MEIS2: variants seen among roughly 807,000 people sequenced by gnomAD.
The protein encoded by MEIS2 is homeobox protein Meis2.
A neutral mutation model predicts 58.6 loss-of-function variants in MEIS2; 9 were observed. That is an observed-to-expected ratio of 0.15 (90% CI 0.09 to 0.27). The LOEUF (loss-of-function observed/expected upper bound fraction) is 0.27. MEIS2 is among the 10% of genes least tolerant of loss of function. The probability of loss-of-function intolerance (pLI) is 1.00; values close to 1 mark genes in which losing one functional copy is unlikely to be tolerated. For synonymous variants in MEIS2, 221 were observed against 228.4 expected (o/e 0.97, Z 0.29); for missense variants, 427 against 635.0 (o/e 0.67, Z 3.52).
intron 9 of MEIS2, chr15:36,897,494 A>T (rs1051349991): frequency 3.9e-5 from 6 of 152,254 alleles, no homozygotes; most frequent in Non-Finnish European, 8.8e-5. Flanking sequence ...TTTGTTGGAA[A>T]TCCAAAAATA....
intron 8 of MEIS2, among the ~76,000 whole-genome samples, chr15:37,019,275 T>A (rs1412768714): frequency 6.6e-6 from 1 of 152,218 alleles, no homozygotes; most frequent in Non-Finnish European, 1.5e-5. Flanking sequence ...AAGTATTGCA[T>A]GAGCTACTAA....
At chr15:36,949,997 G>A (rs2058700201) in intron 9 of MEIS2, among the ~76,000 whole-genome samples, 1 of 151,750 alleles carries the variant, frequency 6.6e-6, no homozygotes, top group Non-Finnish European at 1.5e-5. Flanking sequence ...ACTTTCAATA[G>A]GAATGACCTG....
chr15:36,988,401 C>T (rs2060162030), intron 8 of MEIS2, among the ~76,000 whole-genome samples: 1 of 152,120 alleles, frequency 6.6e-6, no homozygotes, highest in Non-Finnish European at 1.5e-5. Context: ...ATTCCAAATA[C>T]GAGTTCAGAG....
At chr15:36,974,860 C>T (rs150848329) in intron 8 of MEIS2, among the ~76,000 whole-genome samples, 2 of 152,186 alleles carry the variant, frequency 1.3e-5, no homozygotes, top group African/African-American at 4.8e-5. Context: ...TTCTTGAAAC[C>T]CTTTGCATTT....
chr15:36,968,354 T>C (rs2059422861), intron 8 of MEIS2, among the ~76,000 whole-genome samples: 1 of 152,000 alleles, frequency 6.6e-6, no homozygotes. Context: ...AGCCTGTGGG[T>C]TGAAAAATAG....
chr15:37,060,093 C>T (rs1889001884), intron 7 of MEIS2, among the ~76,000 whole-genome samples: 1 of 152,036 alleles, frequency 6.6e-6, no homozygotes, highest in East Asian at 1.9e-4. Flanking sequence ...TGCATGCCAC[C>T]ATGCCTGACT....
chr15:37,033,705 C>T (rs78366503), intron 8 of MEIS2, among the ~76,000 whole-genome samples: 1,806 of 152,210 alleles, frequency 0.012, 33 homozygotes, highest in African/African-American at 0.041. Context: ...TATAGTGGGG[C>T]ATCTCTAGTT....
intron 9 of MEIS2, among the ~76,000 whole-genome samples, chr15:36,944,326 T>TATTCTCA (rs2058480684): frequency 1.3e-5 from 2 of 152,090 alleles, no homozygotes; most frequent in African/African-American, 4.8e-5. Context: ...CAGAAATAAT[T>TATTCTCA]GTAGGTCTCC....
chr15:37,026,775 T>C (rs1049051268), intron 8 of MEIS2, among the ~76,000 whole-genome samples: 1 of 152,200 alleles, frequency 6.6e-6, no homozygotes, highest in African/African-American at 2.4e-5. Context: ...AATTTTTGTG[T>C]GTGTGGACAA....
At chr15:36,946,531 T>G (rs991772326) in intron 9 of MEIS2, among the ~76,000 whole-genome samples, 3 of 151,954 alleles carry the variant, frequency 2.0e-5, no homozygotes, top group Non-Finnish European at 4.4e-5. Context: ...CCCTTAAACA[T>G]GCCTATTTAC....
chr15:36,929,910 TTATCCACA>T (rs1386529001), intron 9 of MEIS2, among the ~76,000 whole-genome samples: 6 of 152,140 alleles, frequency 3.9e-5, no homozygotes, highest in African/African-American at 1.4e-4. Context: ...GGATTAAAAG[TTATCCACA>T]GAGGCCCGGT....
chr15:37,014,036 A>G (rs1174440902), intron 8 of MEIS2, among the ~76,000 whole-genome samples: 1 of 152,212 alleles, frequency 6.6e-6, no homozygotes, highest in East Asian at 1.9e-4. Context: ...GCAAGATGAA[A>G]TTTTGGAGGC....
intron 9 of MEIS2, among the ~76,000 whole-genome samples, chr15:36,935,749 T>C (rs1306033585): frequency 6.6e-6 from 1 of 152,106 alleles, no homozygotes; most frequent in African/African-American, 2.4e-5. Context: ...TATGGCTTTA[T>C]CTCTAATGCC....
At chr15:36,958,102 A>G (rs2059051089) in intron 8 of MEIS2, among the ~76,000 whole-genome samples, 1 of 152,206 alleles carries the variant, frequency 6.6e-6, no homozygotes, top group African/African-American at 2.4e-5. Context: ...AATAGATTGA[A>G]TTATAATAAT....
intron 8 of MEIS2, among the ~76,000 whole-genome samples, chr15:37,033,896 C>T (rs941441748): frequency 1.3e-5 from 2 of 152,032 alleles, no homozygotes; most frequent in African/African-American, 4.8e-5. Context: ...AGTTACTGAA[C>T]CTCTTCTCTG....
At chr15:36,944,249 T>C (rs1414238044) in intron 9 of MEIS2, among the ~76,000 whole-genome samples, 1 of 152,100 alleles carries the variant, frequency 6.6e-6, no homozygotes, top group South Asian at 2.1e-4. Flanking sequence ...TGGTTAAACA[T>C]TAATAATGTG....
chr15:36,940,809 A>C (rs1371050210), intron 9 of MEIS2, among the ~76,000 whole-genome samples: 1 of 152,190 alleles, frequency 6.6e-6, no homozygotes. Flanking sequence ...AGGCACACGG[A>C]GTCATGTGAT....
At chr15:37,073,992 T>C (rs1351431966) in intron 7 of MEIS2, among the ~76,000 whole-genome samples, 1 of 152,062 alleles carries the variant, frequency 6.6e-6, no homozygotes, top group Non-Finnish European at 1.5e-5. Flanking sequence ...TATGTAACTG[T>C]AAAATTCTCC....
At chr15:36,897,832 G>C (rs974190936) in intron 9 of MEIS2, 1 of 152,108 alleles carries the variant, frequency 6.6e-6, no homozygotes, top group African/African-American at 2.4e-5. Context: ...CATGATTAAT[G>C]AGTCCACCTG....
Sources: allele counts gnomAD v4.1 joint callset (sites outside exome capture counted in the v4.1 genomes callset), GRCh38; gene constraint gnomAD v4.1.1; transcripts MANE v1.5; gene names NCBI Gene and HGNC (gene_info 2026-07-23, HGNC 2026-07-21).